SLC4A4: variants seen among roughly 807,000 people sequenced by gnomAD.
SLC4A4 encodes the protein electrogenic sodium bicarbonate cotransporter 1.
SLC4A4 carries 27 observed loss-of-function variants against 111.5 expected under a neutral mutation model. The observed-to-expected ratio is 0.24, with a 90% CI of 0.18 to 0.33. The LOEUF is 0.33. Among genes scored for constraint, SLC4A4 ranks in the 10% least tolerant of loss-of-function variants. The pLI, the probability that SLC4A4 is intolerant of heterozygous loss-of-function variation, is 1.00. For missense variants in SLC4A4, 909 were observed against 1,315.5 expected (o/e 0.69, Z 4.78); for synonymous variants, 443 against 463.4 (o/e 0.96, Z 0.57).
chr4:71,424,379 T>A (rs1298574565), intron 7 of SLC4A4, among the ~76,000 whole-genome samples: 3 of 151,544 alleles, frequency 2.0e-5, no homozygotes, highest in Admixed American at 6.6e-5. Flanking sequence ...AGGAACACTT[T>A]TACACTGTTG....
intron 2 of SLC4A4, among the ~76,000 whole-genome samples, chr4:71,248,117 G>A (rs903994867): frequency 1.3e-5 from 2 of 152,160 alleles, no homozygotes; most frequent in African/African-American, 4.8e-5. Context: ...TAAGGGACAA[G>A]TTAAGAATAG....
chr4:71,497,626 C>G lies in SLC4A4; in HGVS notation c.2100C>G (p.Phe700Leu), dbSNP rs1560562991. ...TCACACTCATGTCTTTTATCCTCTT[C>G]TTGGGAACCTACACCTCTTCCATGG... The part of the protein sequence containing the change: ...PDITLMSFIL[F>L]LGTYTSSMAL... The change falls in exon 16 of 26, where the codon TTC becomes TTG. Residue 700 changes from phenylalanine to leucine, a missense_variant. Around this residue, in one of 7 missense-constraint regions of SLC4A4, gnomAD observed 264 missense variants for 356.8 expected, o/e 0.74. Coordinates refer to ENST00000264485, the MANE Select transcript of SLC4A4 (RefSeq NM_001098484.3). The G allele has an allele frequency of 6.2e-7, 1 of 1,613,690 alleles. No homozygotes were observed. The highest frequency in any genetic ancestry group is 8.5e-7 in the Non-Finnish European group (1 of 1,179,762).
chr4:71,116,875 G>A (rs543168941), intron 2 of SLC4A4, among the ~76,000 whole-genome samples: 12 of 152,072 alleles, frequency 7.9e-5, no homozygotes, highest in South Asian at 6.2e-4. Flanking sequence ...CCCGGGAGGC[G>A]GAGGTTGCGG....
At chr4:71,311,927 GA>G (rs1717281877) in intron 3 of SLC4A4, among the ~76,000 whole-genome samples, 1 of 150,524 alleles carries the variant, frequency 6.6e-6, no homozygotes. Flanking sequence ...GAGAGAGAGA[GA>G]GAGAGAAGGA....
intron 1 of SLC4A4, among the ~76,000 whole-genome samples, chr4:71,214,006 C>A (rs540458416): frequency 6.6e-6 from 1 of 152,214 alleles, no homozygotes; most frequent in Non-Finnish European, 1.5e-5. Flanking sequence ...CTACACCCTA[C>A]GTAGGCTGCT....
At chr4:71,442,196 T>C (rs1449143997) in intron 8 of SLC4A4, among the ~76,000 whole-genome samples, 1 of 152,208 alleles carries the variant, frequency 6.6e-6, no homozygotes, top group African/African-American at 2.4e-5. Context: ...TTTAACAAAA[T>C]ACGCATTCAT....
intron 12 of SLC4A4, 44 bp from the exon 13 acceptor site, chr4:71,466,400 A>G: frequency 1.2e-6 from 2 of 1,612,004 alleles, no homozygotes; most frequent in Non-Finnish European, 1.7e-6. Context: ...AATGAGAAGA[A>G]AAAAGATGTG....
chr4:71,168,819 C>A (rs1744857359), intron 2 of SLC4A4, among the ~76,000 whole-genome samples: 1 of 152,162 alleles, frequency 6.6e-6, no homozygotes, highest in Non-Finnish European at 1.5e-5. Flanking sequence ...TAGTACTCCA[C>A]TGTGTATATG....
intron 2 of SLC4A4, among the ~76,000 whole-genome samples, chr4:71,147,929 G>T (rs1744223896): frequency 6.6e-6 from 1 of 152,174 alleles, no homozygotes; most frequent in South Asian, 2.1e-4. Context: ...AGGGAACTGG[G>T]CTGGTTTCAA....
chr4:71,442,587 G>A (rs1237734571), intron 8 of SLC4A4, among the ~76,000 whole-genome samples: 1 of 152,134 alleles, frequency 6.6e-6, no homozygotes, highest in Non-Finnish European at 1.5e-5. Flanking sequence ...AATCCCACAA[G>A]GAATGTGGTA....
At chr4:71,195,439 G>A (rs2148998094) in intron 1 of SLC4A4, among the ~76,000 whole-genome samples, 1 of 152,064 alleles carries the variant, frequency 6.6e-6, no homozygotes, top group African/African-American at 2.4e-5. Flanking sequence ...GGCCAATTTA[G>A]GGTGATTTAG....
chr4:71,366,250 C>T (rs1213800708), intron 6 of SLC4A4, among the ~76,000 whole-genome samples: 1 of 151,268 alleles, frequency 6.6e-6, no homozygotes, highest in Non-Finnish European at 1.5e-5. Context: ...TAAAACTTCA[C>T]CATGAATAAA....
At chr4:71,206,194 C>G (rs1173377610) in intron 1 of SLC4A4, among the ~76,000 whole-genome samples, 1 of 152,002 alleles carries the variant, frequency 6.6e-6, no homozygotes, top group East Asian at 1.9e-4. Flanking sequence ...GATTATAACT[C>G]ATTAGGGGAA....
In SLC4A4 at chr4:71,156,586, G is replaced by GCGCGCGCA. The variant is rs1403189255; in HGVS notation, c.-2+63797_-2+63798insGCGCACGC. ...TGTGTGCGCGCATGCGCGCGCGCGC[G>GCGCGCGCA]CGCACACACACACACACACACACAC... is the stretch of plus-strand genomic sequence containing the variant. On this transcript the variant is annotated intron_variant, in intron 2 of 26. Coordinates refer to the SLC4A4 transcript ENST00000649996. Among the ~76,000 whole-genome samples, 583 of 108,408 alleles carry GCGCGCGCA rather than the reference G, an allele frequency of 5.4e-3. 6 individuals are homozygous for GCGCGCGCA. Among genetic ancestry groups the GCGCGCGCA allele is most frequent in the African/African-American group, 0.021 (567 of 27,068 alleles). The allele number at this position is 108,408 out of a possible 152,430, so 71.1% of individuals were successfully genotyped here.
At chr4:71,266,760 A>G (rs1278896461) in intron 3 of SLC4A4, among the ~76,000 whole-genome samples, 1 of 152,204 alleles carries the variant, frequency 6.6e-6, no homozygotes, top group Non-Finnish European at 1.5e-5. Context: ...TAACAGGATG[A>G]GGAAAGAGAT....
chr4:71,153,009 G>GTA (rs1008634135), intron 2 of SLC4A4, among the ~76,000 whole-genome samples: 2 of 141,656 alleles, frequency 1.4e-5, no homozygotes, highest in African/African-American at 5.4e-5. Flanking sequence ...ATATATATGT[G>GTA]TATATATATA....
At chr4:71,366,508 C>T (rs1731340253) in intron 6 of SLC4A4, among the ~76,000 whole-genome samples, 1 of 152,136 alleles carries the variant, frequency 6.6e-6, no homozygotes. Context: ...TGGATACCAT[C>T]ACTCAAAAGC....
At chr4:71,154,725 C>A (rs1421556586) in intron 2 of SLC4A4, among the ~76,000 whole-genome samples, 1 of 151,938 alleles carries the variant, frequency 6.6e-6, no homozygotes. Flanking sequence ...GGAGAATAAA[C>A]GTCATAATTC....
intron 2 of SLC4A4, among the ~76,000 whole-genome samples, chr4:71,132,943 A>C (rs1025352264): frequency 1.3e-5 from 2 of 152,254 alleles, no homozygotes; most frequent in African/African-American, 2.4e-5. Context: ...TGCAGTGAAC[A>C]TGTGGAGGAC....
Sources: allele counts gnomAD v4.1 joint callset (sites outside exome capture counted in the v4.1 genomes callset), GRCh38; gene constraint gnomAD v4.1.1; regional missense constraint gnomAD v4.1.1; transcripts MANE v1.5; gene names NCBI Gene and HGNC (gene_info 2026-07-23, HGNC 2026-07-21).